Variants in SDK1 observed in about 807,000 individuals in gnomAD.
SDK1 encodes the protein sidekick cell adhesion molecule 1.
A neutral mutation model predicts 245.5 loss-of-function variants in SDK1; 157 were observed. The ratio of observed to expected loss-of-function variants is 0.64; its 90% confidence interval spans 0.56 to 0.73. SDK1 has a LOEUF of 0.73. Ranked by LOEUF, SDK1 falls within the 30% of genes least tolerant of loss-of-function variation. SDK1 has a pLI of 0.00. For missense variants in SDK1, 3,583 were observed against 3,002.3 expected, an observed-to-expected ratio of 1.19 and a Z score of -4.52; for synonymous variants, 1,647 against 1,278.5, an observed-to-expected ratio of 1.29 and a Z score of -6.15.
At chr7:4,200,043 C>T (rs370138916) in intron 35 of SDK1, among the ~76,000 whole-genome samples, 8 of 152,228 alleles carry the variant, frequency 5.3e-5, no homozygotes, top group East Asian at 1.9e-4. Flanking sequence ...TGCAGTGAGC[C>T]GAGACTGTGC....
At chr7:3,701,486 G>T (rs888366003) in intron 4 of SDK1, among the ~76,000 whole-genome samples, 1 of 152,182 alleles carries the variant, frequency 6.6e-6, no homozygotes, top group African/African-American at 2.4e-5. Context: ...TGTAGTCCCA[G>T]CTACTTGGGA....
At chr7:3,321,340 A>G (rs906115767) in intron 1 of SDK1, among the ~76,000 whole-genome samples, 6 of 152,148 alleles carry the variant, frequency 3.9e-5, no homozygotes, top group Admixed American at 1.3e-4. Flanking sequence ...CTTAAAGTAC[A>G]GTACTAATGA....
chr7:4,079,479 A>G lies in SDK1; in HGVS notation c.3219A>G (p.Pro1073=), dbSNP rs1780919792. ...SGVPPDLPGA[P]SNLVISNISP... ...CCTCTCTAGACCTTCCTGGTGCCCC[A>G]TCCAACCTGGTCATTTCCAACATCA... Residue 1073 remains proline (P), a synonymous_variant, in exon 22 of 45, where the codon CCA becomes CCG. Coordinates refer to ENST00000404826, the MANE Select transcript of SDK1 (RefSeq NM_152744.4). 3 of 1,614,146 alleles carry G rather than the reference A, an allele frequency of 1.9e-6. No homozygotes were observed. Among genetic ancestry groups the G allele is most frequent in the Non-Finnish European group, 2.5e-6 (3 of 1,180,026 alleles).
intron 5 of SDK1, among the ~76,000 whole-genome samples, chr7:3,851,182 T>G (rs1470459636): frequency 6.6e-6 from 1 of 152,218 alleles, no homozygotes; most frequent in African/African-American, 2.4e-5. Flanking sequence ...TAAAATTCAC[T>G]TAAAGCTTGT....
chr7:3,763,185 T>A lies in SDK1; in HGVS notation c.714-58265T>A, dbSNP rs541699514. Among the ~76,000 whole-genome samples the A allele has an allele frequency of 2.6e-5, 4 of 152,334 alleles. No homozygotes were observed. The South Asian group carries it at 8.3e-4, about 32-fold the overall frequency. ...TGGATAAACTGTCTTTAATAAATTTTTTTGTCTTGTCATTTACAAATAAGC... is the reference window on the plus strand; with the variant it reads ...TGGATAAACTGTCTTTAATAAATTTATTTGTCTTGTCATTTACAAATAAGC... On this transcript the variant is annotated intron_variant, in intron 4 of 44. Transcript: ENST00000404826.
At position 4,247,578 on chromosome 7, in the gene SDK1, A is replaced by T. The variant is rs556117773; in HGVS notation, c.6381+1773A>T. On this transcript the variant is annotated intron_variant, in intron 44 of 44. Coordinates refer to ENST00000404826, the MANE Select transcript of SDK1 (RefSeq NM_152744.4). ...TGGTCAGCAAAGAGGCTCATCTCAC[A>T]GCGCCGGCCTCGGGCCTGTCCCTGC... Among the ~76,000 whole-genome samples the T allele has an allele frequency of 2.0e-5, 3 of 152,354 alleles. No homozygotes were observed. The South Asian group carries it at 6.2e-4, about 32-fold the overall frequency.
intron 4 of SDK1, among the ~76,000 whole-genome samples, chr7:3,662,594 GCTCA>G (rs1782118453): frequency 6.6e-6 from 1 of 152,224 alleles, no homozygotes; most frequent in Admixed American, 6.5e-5. Flanking sequence ...ACGATTGGGA[GCTCA>G]CAGGCTTGGG....
intron 4 of SDK1, among the ~76,000 whole-genome samples, chr7:3,709,883 C>T (rs1434087879): frequency 2.6e-5 from 4 of 152,212 alleles, no homozygotes; most frequent in African/African-American, 9.6e-5. Context: ...CACAGGGGTC[C>T]TGGCCCCAGC....
intron 1 of SDK1, among the ~76,000 whole-genome samples, chr7:3,584,649 C>G (rs1433633584): frequency 6.6e-6 from 1 of 152,078 alleles, no homozygotes; most frequent in African/African-American, 2.4e-5. Flanking sequence ...GTCGCACGTG[C>G]TTGGGCGTGT....
Position 3,726,831 on chromosome 7 carries a change from A to T in SDK1, c.713+84726A>T, listed in dbSNP as rs138822329. On this transcript the variant is annotated intron_variant, in intron 4 of 44. Transcript: ENST00000404826. ...ATTAAATGTTCTACCAACTCCCCCA[A>T]CTCTTCTCTTTACTCAACCCTTGAC... Among the ~76,000 whole-genome samples, 354 of 152,110 alleles carry T rather than the reference A, an allele frequency of 2.3e-3. 1 individual carries two copies. The highest frequency in any genetic ancestry group is 4.1e-3 in the Non-Finnish European group (280 of 67,998).
Position 4,265,301 on chromosome 7 carries a change from A to T in SDK1, c.6559A>T (p.Thr2187Ser). 6.4e-7 allele frequency: 1 copy of T among 1,573,946 alleles called. No homozygotes were observed. ...EAGAQLHPVI[T>S]TQSAGGVYTP... ...GGGCGCGCAGCTGCACCCGGTCATC[A>T]CCACGCAGAGCGCGGGCGGCGTCTA... is the stretch of plus-strand genomic sequence containing the variant. Residue 2187 changes from threonine (T) to serine (S), a missense_variant, in exon 45 of 45, where the codon ACC becomes TCC. By Grantham distance (58) the Thr-to-Ser change is moderately conservative. Coordinates refer to ENST00000404826, the MANE Select transcript of SDK1 (RefSeq NM_152744.4).
intron 5 of SDK1, among the ~76,000 whole-genome samples, chr7:3,896,521 C>G (rs773582108): frequency 6.6e-6 from 1 of 152,206 alleles, no homozygotes; most frequent in Non-Finnish European, 1.5e-5. Flanking sequence ...CTAGCTTTAG[C>G]CTCCTGGGCC....
chr7:4,020,283 C>T (rs752643098), intron 17 of SDK1, among the ~76,000 whole-genome samples: 2 of 151,928 alleles, frequency 1.3e-5, no homozygotes, highest in African/African-American at 2.4e-5. Context: ...TGGTCCATGG[C>T]CTGGGGGACA....
At chr7:3,754,264 GA>G (rs1359528499) in intron 4 of SDK1, among the ~76,000 whole-genome samples, 7 of 152,156 alleles carry the variant, frequency 4.6e-5, no homozygotes, top group Admixed American at 2.6e-4. Flanking sequence ...GTGTTTTTAA[GA>G]AAGTTTCTTA....
chr7:4,217,053 ACACCACC>A (rs1784843708), intron 38 of SDK1, among the ~76,000 whole-genome samples: 1 of 36,982 alleles, frequency 2.7e-5, no homozygotes, highest in Non-Finnish European at 5.4e-5. Flanking sequence ...CCGGAGCACC[ACACCACC>A]CGGAGCACCA....
At chr7:3,437,380 G>C (rs1780059700) in intron 1 of SDK1, among the ~76,000 whole-genome samples, 1 of 152,120 alleles carries the variant, frequency 6.6e-6, no homozygotes, top group Admixed American at 6.5e-5. Flanking sequence ...TTAGCATAAT[G>C]TCACTAATGT....
At position 4,067,928 on chromosome 7, in the gene SDK1, T is replaced by A; in HGVS notation, c.3002T>A (p.Ile1001Asn). Residue 1001 changes from isoleucine (I) to asparagine (N), a missense_variant, in exon 20 of 45, where the codon ATC (isoleucine) becomes AAC (asparagine). Coordinates refer to ENST00000404826, the MANE Select transcript of SDK1 (RefSeq NM_152744.4). Reference sequence around the variant, plus strand: ...CAGGAGCCCCTGGAGAAAAATGGCATCATTACTGGTAAGTAGGCCTGTCCT... The same window carrying A: ...CAGGAGCCCCTGGAGAAAAATGGCAACATTACTGGTAAGTAGGCCTGTCCT... ...SWQEPLEKNGIITGYQISWEV... is the reference protein window; with the variant it reads ...SWQEPLEKNGNITGYQISWEV... 6.2e-7 allele frequency: 1 copy of A among 1,607,638 alleles called. No homozygotes were observed. Among genetic ancestry groups the A allele is most frequent in the Non-Finnish European group, 8.5e-7 (1 of 1,175,402 alleles).
At chr7:3,879,602 C>T (rs1459103401) in intron 5 of SDK1, among the ~76,000 whole-genome samples, 1 of 152,230 alleles carries the variant, frequency 6.6e-6, no homozygotes, top group Non-Finnish European at 1.5e-5. Flanking sequence ...TACTCAGCCT[C>T]ACTCAGCCAT....
intron 8 of SDK1, among the ~76,000 whole-genome samples, chr7:3,961,366 C>G (rs1236280581): frequency 6.6e-6 from 1 of 152,200 alleles, no homozygotes; most frequent in Admixed American, 6.5e-5. Context: ...AAGACATTAT[C>G]TTGAGTTATT....
Sources: gnomAD v4.1 joint callset for allele counts (sites outside exome capture counted in the v4.1 genomes callset) on GRCh38, gnomAD v4.1.1 for gene constraint, MANE v1.5 for transcripts, NCBI Gene and HGNC (gene_info 2026-07-23, HGNC 2026-07-21) for gene names.